Variants in TGFB2 observed in about 807,000 individuals in gnomAD.
TGFB2 encodes the protein transforming growth factor beta-2 proprotein.
A neutral mutation model predicts 42.7 loss-of-function variants in TGFB2; 13 were observed. The observed-to-expected ratio is 0.30, with a 90% CI of 0.20 to 0.48. TGFB2 has a LOEUF of 0.48. TGFB2 is among the 20% of genes least tolerant of loss of function. The pLI is 0.99. For missense variants in TGFB2, 390 were observed against 517.5 expected (o/e 0.75, Z 2.39); for synonymous variants, 193 against 193.6 (o/e 1.00, Z 0.03).
intron 1 of TGFB2, among the ~76,000 whole-genome samples, chr1:218,350,125 A>T (rs1047547324): frequency 6.6e-6 from 1 of 152,270 alleles, no homozygotes; most frequent in African/African-American, 2.4e-5. Flanking sequence ...AGAAAGGGTG[A>T]TTCAGTTATA....
At chr1:218,349,683 A>G (rs17047682) in intron 1 of TGFB2, among the ~76,000 whole-genome samples, 8,913 of 152,354 alleles carry the variant, frequency 0.059, 347 homozygotes, top group East Asian at 0.13. Flanking sequence ...CCTTTGTGGG[A>G]CATTTTATAA....
intron 1 of TGFB2, among the ~76,000 whole-genome samples, chr1:218,369,373 CT>C (rs2102552549): frequency 6.7e-6 from 1 of 149,818 alleles, no homozygotes; most frequent in African/African-American, 2.5e-5. Flanking sequence ...CACTTGGCAA[CT>C]GCATTTCTAT....
chr1:218,377,958 GTGTTTGTTTGTTTGTT>G lies in TGFB2; in HGVS notation c.347-27193_347-27178del, dbSNP rs67890412. ...TTTAATTCATTACATATATTATAGT[GTGTTTGTTTGTTTGTT>G]TGTTTGTTTGTTTGTTTTTGATACA... On this transcript the variant is annotated intron_variant, in intron 1 of 6. Coordinates refer to ENST00000366930, the MANE Select transcript of TGFB2 (RefSeq NM_003238.6). Among the ~76,000 whole-genome samples, 5 of 149,272 alleles carry G rather than the reference GTGTTTGTTTGTTTGTT, an allele frequency of 3.3e-5. No individual in the cohort carries two copies. In the East Asian group the frequency reaches 7.8e-4, roughly 23 times the overall value.
In TGFB2 at chr1:218,441,911, C is replaced by T. The variant is rs1660166190; in HGVS notation, c.*549C>T. The stretch of plus-strand genomic sequence containing the variant: ...AGGTGTATAAAGTGGAGACCAAATA[C>T]TTTGCCAGAAACTCATGGATGGCTT... On this transcript the variant is annotated 3_prime_UTR_variant, in exon 7 of 7. Coordinates refer to ENST00000366930, the MANE Select transcript of TGFB2 (RefSeq NM_003238.6). 1 of 152,112 alleles carries T rather than the reference C, an allele frequency of 6.6e-6. No homozygotes were observed. The allele number at this position is 152,112 out of a possible 1,614,324, so 9.4% of individuals were successfully genotyped here. A position where few individuals can be genotyped will look rare whatever the true frequency, so the allele number is the denominator to read the frequency against.
In TGFB2 at chr1:218,353,498, A is replaced by G. The variant is rs189417381; in HGVS notation, c.346+6451A>G. On this transcript the variant is annotated intron_variant, in intron 1 of 6. Coordinates refer to ENST00000366930, the MANE Select transcript of TGFB2 (RefSeq NM_003238.6). ...CCTGCATGAAAACTATACTCCAGTC[A>G]CATTGTCCTCTTTGCCTTTACCCAA... Among the ~76,000 whole-genome samples the G allele has an allele frequency of 9.8e-5, 15 of 152,310 alleles. No individual in the cohort carries two copies. In the East Asian group the frequency reaches 2.3e-3, roughly 24 times the overall value.
At chr1:218,362,296 T>C (rs1257736066) in intron 1 of TGFB2, among the ~76,000 whole-genome samples, 1 of 152,190 alleles carries the variant, frequency 6.6e-6, no homozygotes, top group African/African-American at 2.4e-5. Context: ...GTGCATGGAC[T>C]CCCAGTGTAT....
chr1:218,416,794 A>G (rs528544985), intron 2 of TGFB2, among the ~76,000 whole-genome samples: 1 of 152,276 alleles, frequency 6.6e-6, no homozygotes, highest in African/African-American at 2.4e-5. Context: ...TAATTGAATC[A>G]TGGGAGCAAG....
At chr1:218,401,796 C>T (rs1558246404) in intron 1 of TGFB2, among the ~76,000 whole-genome samples, 2 of 152,196 alleles carry the variant, frequency 1.3e-5, no homozygotes, top group Non-Finnish European at 2.9e-5. Context: ...GCCCCTACCC[C>T]GGGCTCCCTC....
intron 1 of TGFB2, among the ~76,000 whole-genome samples, chr1:218,376,061 T>C (rs6686687): frequency 0.022 from 3,376 of 152,318 alleles, 112 homozygotes; most frequent in African/African-American, 0.075. Flanking sequence ...AAGTTTCAGT[T>C]GAGCAAGATG....
chr1:218,426,527 G>C (rs952617404), intron 2 of TGFB2, among the ~76,000 whole-genome samples: 1 of 152,172 alleles, frequency 6.6e-6, no homozygotes, highest in African/African-American at 2.4e-5. Context: ...TGCTGAAGGC[G>C]ATATGTGGGT....
chr1:218,358,987 T>TC (rs1460138426), intron 1 of TGFB2, among the ~76,000 whole-genome samples: 1 of 148,762 alleles, frequency 6.7e-6, no homozygotes, highest in African/African-American at 2.4e-5. Context: ...CAAGGAACGG[T>TC]CCCCCCAGAG....
In TGFB2 at chr1:218,436,004, T is replaced by C; in HGVS notation, c.789T>C (p.Asp263=). 6.2e-7 allele frequency: 1 copy of C among 1,613,834 alleles called. No homozygotes were observed. Among genetic ancestry groups the C allele is most frequent in the East Asian group, 2.2e-5 (1 of 44,870 alleles). Residue 263 remains aspartate (D), a synonymous_variant, in exon 5 of 7, where the codon GAT becomes GAC. Coordinates refer to ENST00000366930, the MANE Select transcript of TGFB2 (RefSeq NM_003238.6). ...IDGTSTYTSG[D]QKTIKSTRKK... is the part of the protein sequence containing the mutation. ...GCACCTCCACATATACCAGTGGTGA[T>C]CAGAAAACTATAAAGTCCACTAGGA... is the stretch of plus-strand genomic sequence containing the variant.
intron 3 of TGFB2, 52 bp from the exon 4 acceptor site, chr1:218,434,286 T>A (rs1172764132): frequency 1.2e-6 from 2 of 1,611,822 alleles, no homozygotes; most frequent in Non-Finnish European, 1.7e-6. Flanking sequence ...GATTGCAGAT[T>A]TAAGGGTATA....
At chr1:218,384,524 C>T (rs1285623496) in intron 1 of TGFB2, among the ~76,000 whole-genome samples, 2 of 152,234 alleles carry the variant, frequency 1.3e-5, no homozygotes, top group Non-Finnish European at 2.9e-5. Flanking sequence ...ATTTAATCCT[C>T]ATAAGCCTTA....
chr1:218,358,985 G>A (rs1040435513), intron 1 of TGFB2, among the ~76,000 whole-genome samples: 6 of 148,860 alleles, frequency 4.0e-5, no homozygotes, highest in Non-Finnish European at 9.1e-5. Flanking sequence ...GTCAAGGAAC[G>A]GTCCCCCCAG....
chr1:218,401,823 C>G (rs1658732415), intron 1 of TGFB2, among the ~76,000 whole-genome samples: 1 of 152,216 alleles, frequency 6.6e-6, no homozygotes, highest in Non-Finnish European at 1.5e-5. Flanking sequence ...GGGCGGGAGC[C>G]TGCCGCGTCC....
intron 1 of TGFB2, among the ~76,000 whole-genome samples, chr1:218,392,257 G>A (rs538824218): frequency 3.0e-4 from 46 of 152,334 alleles, no homozygotes; most frequent in African/African-American, 1.0e-3. Context: ...GGAGGCTGAG[G>A]CAGGAGAATG....
Position 218,346,755 on chromosome 1 carries a change from G to A in TGFB2, c.54G>A (p.Ala18=). The A allele has an allele frequency of 1.9e-6, 3 of 1,613,996 alleles. No homozygotes were observed. Among genetic ancestry groups the A allele is most frequent in the Admixed American group, 1.7e-5 (1 of 60,006 alleles). Residue 18 remains alanine, a synonymous_variant, in exon 1 of 7, where the codon GCG becomes GCA. Transcript: ENST00000366930. The surrounding 1 kb of genome is among the most constrained non-coding windows in gnomAD (Gnocchi z 4.9). ...AFLILHLVTV[A]LSLSTCSTLD... ...TGATCCTGCATCTGGTCACGGTCGC[G>A]CTCAGCCTGTCTACCTGCAGCACAC...
At chr1:218,414,072 T>TTTC (rs1258605459) in intron 2 of TGFB2, among the ~76,000 whole-genome samples, 8 of 152,140 alleles carry the variant, frequency 5.3e-5, no homozygotes, top group African/African-American at 1.9e-4. Flanking sequence ...GTTCTTAAGG[T>TTTC]TTCATAGTGA....
Sources: allele counts gnomAD v4.1 joint callset (sites outside exome capture counted in the v4.1 genomes callset), GRCh38; gene constraint gnomAD v4.1.1; non-coding constraint Gnocchi (gnomAD v3.1); transcripts MANE v1.5; gene names NCBI Gene and HGNC (gene_info 2026-07-23, HGNC 2026-07-21).